Variants in GSTT4 observed in about 807,000 individuals in gnomAD.
GSTT4 encodes glutathione S-transferase theta-4.
At chr22:23,993,907 G>A (rs1258015661), downstream of GSTT4, among the ~76,000 whole-genome samples, 1 of 146,586 alleles carries the variant, frequency 6.8e-6, no homozygotes, top group Non-Finnish European at 1.5e-5. Context: ...CAGGATACAC[G>A]TTTATGGGGA....
downstream of GSTT4, among the ~76,000 whole-genome samples, chr22:23,993,782 C>T (rs138984190): frequency 2.9e-5 from 4 of 138,264 alleles, no homozygotes; most frequent in East Asian, 2.1e-4. Context: ...CATTGGTTGG[C>T]GATCACGTGA....
At chr22:23,992,782 C>CTTTTTTTTTTTTTT in the GSTT4 span, among the ~76,000 whole-genome samples, 1 of 145,270 alleles carries the variant, frequency 6.9e-6, no homozygotes, top group African/African-American at 2.6e-5. Context: ...CTCTACTATT[C>CTTTTTTTTTTTTTT]TTTTTTTTTT....
the GSTT4 span, among the ~76,000 whole-genome samples, chr22:23,989,402 G>C: frequency 7.3e-6 from 1 of 136,560 alleles, no homozygotes; most frequent in Non-Finnish European, 1.6e-5. Context: ...CATCTTTCCT[G>C]TGTCCAGCTC....
At chr22:23,998,249 T>C (rs1407800231), downstream of GSTT4, among the ~76,000 whole-genome samples, 2 of 86,358 alleles carry the variant, frequency 2.3e-5, no homozygotes, top group African/African-American at 8.0e-5. Flanking sequence ...GAAAGTGGGG[T>C]ATTGAAGTCA....
At chr22:23,994,630 A>G (rs999525418), downstream of GSTT4, among the ~76,000 whole-genome samples, 23 of 145,978 alleles carry the variant, frequency 1.6e-4, no homozygotes, top group Middle Eastern at 3.5e-3. Context: ...ATAATATTCA[A>G]TTTTATGGAC....
the GSTT4 span, among the ~76,000 whole-genome samples, chr22:23,989,974 T>TGG: frequency 2.6e-5 from 4 of 150,978 alleles, no homozygotes; most frequent in Admixed American, 2.7e-4. Context: ...TGACTCAAGC[T>TGG]GGTTGTACCA....
At chr22:23,998,203 A>G (rs949919168), downstream of GSTT4, among the ~76,000 whole-genome samples, 5 of 151,996 alleles carry the variant, frequency 3.3e-5, no homozygotes, top group South Asian at 4.1e-4. Context: ...CAAATTCCCT[A>G]TTTCCTTGAT....
chr22:23,996,134 G>C (rs1569036711), downstream of GSTT4, among the ~76,000 whole-genome samples: 3 of 152,020 alleles, frequency 2.0e-5, no homozygotes, highest in South Asian at 6.2e-4. Flanking sequence ...AGTAGAGACG[G>C]GGTTTCACCA....
chr22:24,003,071 G>A, intron 2 of GSTT4, among the ~76,000 whole-genome samples: 1 of 152,220 alleles, frequency 6.6e-6, no homozygotes, highest in Non-Finnish European at 1.5e-5. Context: ...CTGGCCTCAA[G>A]CGATCCTCCC....
At chr22:23,992,846 T>C in the GSTT4 span, among the ~76,000 whole-genome samples, 6 of 146,556 alleles carry the variant, frequency 4.1e-5, no homozygotes, top group African/African-American at 1.5e-4. Context: ...GGTACAAACT[T>C]AGCTTACTGC....
At chr22:24,000,890 C>G (rs1415380707) in intron 3 of GSTT4, among the ~76,000 whole-genome samples, 4 of 110,246 alleles carry the variant, frequency 3.6e-5, no homozygotes, top group Non-Finnish European at 5.4e-5. Context: ...CTGAGATTCT[C>G]TAGTTCAGAA....
intron 2 of GSTT4, among the ~76,000 whole-genome samples, chr22:24,002,558 C>T (rs946122755): frequency 1.1e-4 from 4 of 36,376 alleles, no homozygotes; most frequent in Non-Finnish European, 2.5e-4. Flanking sequence ...TGGCTGGGCA[C>T]GGTGGCTCAC....
chr22:24,005,181 G>A (rs1051315914), intron 1 of GSTT4, 64 bp downstream of exon 1: 2 of 152,924 alleles, frequency 1.3e-5, no homozygotes, highest in African/African-American at 4.8e-5. Context: ...AAAAAGAAAA[G>A]CCGCAATCTG....
chr22:23,999,143 C>G (rs981557147), intron 4 of GSTT4, among the ~76,000 whole-genome samples: 1 of 152,124 alleles, frequency 6.6e-6, no homozygotes, highest in African/African-American at 2.4e-5. Flanking sequence ...TGATCAAGCT[C>G]AGGGGCTAGG....
downstream of GSTT4, among the ~76,000 whole-genome samples, chr22:23,994,779 G>A (rs2034099778): frequency 6.6e-6 from 1 of 152,048 alleles, no homozygotes; most frequent in Non-Finnish European, 1.5e-5. Context: ...CGCATTGCCT[G>A]GTTGTGGGTA....
At chr22:23,996,425 C>G (rs572424890), downstream of GSTT4, among the ~76,000 whole-genome samples, 1 of 148,310 alleles carries the variant, frequency 6.7e-6, no homozygotes, top group Non-Finnish European at 1.5e-5. Context: ...TGTTCCTGAT[C>G]TTAGGGGGGA....
the GSTT4 span, among the ~76,000 whole-genome samples, chr22:23,992,112 G>A: frequency 2.2e-5 from 3 of 135,534 alleles, no homozygotes; most frequent in African/African-American, 5.3e-5. Flanking sequence ...TCCTTGCCCA[G>A]TGCCTGGGCC....
downstream of GSTT4, among the ~76,000 whole-genome samples, chr22:23,995,958 TA>T (rs1485013560): frequency 7.0e-6 from 1 of 143,768 alleles, no homozygotes; most frequent in African/African-American, 2.6e-5. Context: ...TATTTTATTT[TA>T]TTGAGATGGA....
downstream of GSTT4, among the ~76,000 whole-genome samples, chr22:23,997,805 C>A (rs2034131885): frequency 6.6e-6 from 1 of 152,150 alleles, no homozygotes; most frequent in Admixed American, 6.5e-5. Context: ...GTGTTTACAG[C>A]TATAAATTTT....
Sources: gnomAD v4.1 joint callset for allele counts (sites outside exome capture counted in the v4.1 genomes callset) on GRCh38, gnomAD v4.1.1 for gene constraint, MANE v1.5 for transcripts, NCBI Gene and HGNC (gene_info 2026-07-23, HGNC 2026-07-21) for gene names.